PKIB: variants seen among roughly 807,000 people sequenced by gnomAD.
PKIB encodes PKI-beta.
Under a neutral mutation model 4.5 loss-of-function variants are expected in PKIB, and 2 were observed. The observed-to-expected ratio is 0.44, with a 90% CI of 0.18 to 1.39. The LOEUF is 1.39. Ranked by LOEUF, PKIB falls within the 40% of genes most tolerant of loss-of-function variation. The pLI, the probability that PKIB is intolerant of heterozygous loss-of-function variation, is 0.27. For synonymous variants in PKIB, 38 were observed against 36.0 expected (o/e 1.06, Z -0.20); for missense variants, 94 against 92.6 (o/e 1.02, Z -0.06).
intron 2 of PKIB, among the ~76,000 whole-genome samples, chr6:122,640,024 C>T (rs1178370003): frequency 1.3e-5 from 2 of 152,138 alleles, no homozygotes; most frequent in Non-Finnish European, 2.9e-5. Flanking sequence ...TTGACCAAAT[C>T]TCTCATCTCT....
chr6:122,705,509 T>G (rs1313872562), intron 3 of PKIB, among the ~76,000 whole-genome samples: 1 of 152,064 alleles, frequency 6.6e-6, no homozygotes, highest in Non-Finnish European at 1.5e-5. Flanking sequence ...ACTTCACCTT[T>G]TAATATGCTT....
upstream of PKIB, among the ~76,000 whole-genome samples, chr6:122,605,877 G>A (rs1161666638): frequency 1.3e-5 from 2 of 152,152 alleles, no homozygotes; most frequent in Non-Finnish European, 2.9e-5. Context: ...CATTGATAAG[G>A]TTCATATTAT....
At chr6:122,513,147 C>G (rs1776638847) in intron 2 of PKIB, among the ~76,000 whole-genome samples, 1 of 152,198 alleles carries the variant, frequency 6.6e-6, no homozygotes, top group Non-Finnish European at 1.5e-5. Flanking sequence ...GCTCATTCTT[C>G]CCTTCCCTGT....
At chr6:122,573,087 A>G (rs1773417040) in intron 2 of PKIB, among the ~76,000 whole-genome samples, 1 of 152,214 alleles carries the variant, frequency 6.6e-6, no homozygotes, top group South Asian at 2.1e-4. Flanking sequence ...ATTCGAAAAG[A>G]TAAAGAGGGA....
chr6:122,503,654 T>C (rs1296082065), intron 2 of PKIB, among the ~76,000 whole-genome samples: 8 of 152,134 alleles, frequency 5.3e-5, no homozygotes, highest in African/African-American at 1.9e-4. Flanking sequence ...AGAGGGCTAG[T>C]TTATTTTGGG....
At chr6:122,662,478 G>C (rs2114918293) in intron 2 of PKIB, among the ~76,000 whole-genome samples, 1 of 151,216 alleles carries the variant, frequency 6.6e-6, no homozygotes, top group Middle Eastern at 3.4e-3. Flanking sequence ...ACCGTGCCCA[G>C]CTATTTTTTT....
intron 2 of PKIB, among the ~76,000 whole-genome samples, chr6:122,520,661 T>TCCCTC (rs543467489): frequency 3.4e-4 from 19 of 55,510 alleles, no homozygotes; most frequent in East Asian, 7.3e-4. Context: ...AAGTTTATGT[T>TCCCTC]CCCACCCCCC....
chr6:122,629,485 T>A (rs1466252668), intron 1 of PKIB, among the ~76,000 whole-genome samples: 5 of 152,160 alleles, frequency 3.3e-5, no homozygotes, highest in Non-Finnish European at 5.9e-5. Flanking sequence ...TCCAAATAAT[T>A]TGAGTAGACA....
chr6:122,577,936 A>G (rs1332070696), intron 2 of PKIB, among the ~76,000 whole-genome samples: 3 of 151,846 alleles, frequency 2.0e-5, no homozygotes, highest in Admixed American at 1.3e-4. Flanking sequence ...AAGAAAAGAA[A>G]AAAGAAATAC....
At chr6:122,711,105 G>A (rs1218452217) in intron 3 of PKIB, among the ~76,000 whole-genome samples, 1 of 151,414 alleles carries the variant, frequency 6.6e-6, no homozygotes, top group Non-Finnish European at 1.5e-5. Context: ...AAATATCACT[G>A]TATTCTGGAT....
intron 1 of PKIB, among the ~76,000 whole-genome samples, chr6:122,618,488 G>C (rs567086088): frequency 6.6e-6 from 1 of 151,490 alleles, no homozygotes; most frequent in African/African-American, 2.4e-5. Flanking sequence ...GATAATATAC[G>C]TTGCAATGAA....
intron 3 of PKIB, 125 bp from the exon 4 acceptor site, chr6:122,717,662 G>T: frequency 1.1e-6 from 1 of 897,180 alleles, no homozygotes; most frequent in East Asian, 2.4e-5. Flanking sequence ...ATTGATGAAG[G>T]TTGTGATCAA....
chr6:122,642,992 TA>T (rs561652233), intron 2 of PKIB, among the ~76,000 whole-genome samples: 249 of 152,066 alleles, frequency 1.6e-3, no homozygotes, highest in Non-Finnish European at 3.0e-3. Context: ...TTAATTTTTT[TA>T]AAAAAGAGGC....
chr6:122,540,837 A>G (rs1418830218), intron 2 of PKIB, among the ~76,000 whole-genome samples: 1 of 151,266 alleles, frequency 6.6e-6, no homozygotes, highest in Non-Finnish European at 1.5e-5. Context: ...TAGGTCACTC[A>G]GGACTTGCTT....
intron 3 of PKIB, among the ~76,000 whole-genome samples, chr6:122,677,888 TTCCTTTC>T (rs2114964781): frequency 2.1e-5 from 1 of 46,800 alleles, no homozygotes; most frequent in South Asian, 6.5e-4. Context: ...CCTTCCTTCC[TTCCTTTC>T]TTTCTTTCTT....
At chr6:122,662,399 TCCG>T (rs1433746866) in intron 2 of PKIB, among the ~76,000 whole-genome samples, 1 of 137,188 alleles carries the variant, frequency 7.3e-6, no homozygotes, top group Non-Finnish European at 1.5e-5. Context: ...CACTGCAACC[TCCG>T]CCTCCCGGGT....
chr6:122,677,319 TG>T (rs1287659473), intron 3 of PKIB, among the ~76,000 whole-genome samples: 1 of 152,208 alleles, frequency 6.6e-6, no homozygotes, highest in Non-Finnish European at 1.5e-5. Context: ...TTGTTTTTTT[TG>T]TTTATTTGTT....
chr6:122,565,365 T>C (rs539760771), intron 2 of PKIB, among the ~76,000 whole-genome samples: 1 of 152,306 alleles, frequency 6.6e-6, no homozygotes, highest in East Asian at 1.9e-4. Flanking sequence ...TAACTTTTTC[T>C]TGGGGTAAAG....
intron 1 of PKIB, among the ~76,000 whole-genome samples, chr6:122,472,780 G>A (rs189777727): frequency 5.9e-5 from 9 of 152,196 alleles, no homozygotes; most frequent in Admixed American, 2.6e-4. Context: ...CCTTATCTGT[G>A]GTTTTGTAGA....
Sources: allele counts gnomAD v4.1 joint callset (sites outside exome capture counted in the v4.1 genomes callset), GRCh38; gene constraint gnomAD v4.1.1; transcripts MANE v1.5; gene names NCBI Gene and HGNC (gene_info 2026-07-23, HGNC 2026-07-21).